Variants in ZNF385B observed in about 807,000 individuals in gnomAD.
ZNF385B encodes the protein zinc finger protein 385B, also known as zinc finger protein 533.
A neutral mutation model predicts 39.2 loss-of-function variants in ZNF385B; 23 were observed. The ratio of observed to expected loss-of-function variants is 0.59; its 90% CI spans 0.42 to 0.83. The LOEUF (loss-of-function observed/expected upper bound fraction) is 0.83, where lower values mean the gene tolerates loss of function less well. Ranked by LOEUF, ZNF385B falls within the 40% of genes least tolerant of loss-of-function variation. The probability of loss-of-function intolerance (pLI) is 0.00; values close to 1 mark genes in which losing one functional copy is unlikely to be tolerated. For missense variants in ZNF385B, 552 were observed against 598.9 expected, an observed-to-expected ratio of 0.92 and a Z score of 0.82; for synonymous variants, 205 against 222.6, an observed-to-expected ratio of 0.92 and a Z score of 0.70.
intron 5 of ZNF385B, among the ~76,000 whole-genome samples, chr2:179,493,781 A>ATGCATATATGTATACATATATGTATATG (rs1491404646): frequency 1.1e-5 from 1 of 91,804 alleles, no homozygotes; most frequent in Non-Finnish European, 2.5e-5. Flanking sequence ...ATATGTATAT[A>ATGCATATATGTATACATATATGTATATG]CACATATGTA....
intron 3 of ZNF385B, among the ~76,000 whole-genome samples, chr2:179,761,964 T>C (rs1703424977): frequency 6.6e-6 from 1 of 152,006 alleles, no homozygotes; most frequent in Non-Finnish European, 1.5e-5. Context: ...AGAGTGGACA[T>C]CCTTCCCCTG....
intron 5 of ZNF385B, among the ~76,000 whole-genome samples, chr2:179,497,710 T>C (rs989229225): frequency 6.6e-6 from 1 of 152,018 alleles, no homozygotes; most frequent in Admixed American, 6.6e-5. Flanking sequence ...CAGGAGTAAG[T>C]CCTTACTTAT....
chr2:179,521,037 CTA>C (rs1212183665), intron 4 of ZNF385B, among the ~76,000 whole-genome samples: 1 of 152,054 alleles, frequency 6.6e-6, no homozygotes, highest in East Asian at 1.9e-4. Flanking sequence ...TTACGAATAT[CTA>C]GTTTCAAGTT....
chr2:179,813,476 A>G lies in ZNF385B; in HGVS notation c.-154-42804T>C, dbSNP rs1366853491. On this transcript the variant is annotated intron_variant, in intron 1 of 9. Coordinates refer to ENST00000410066, the MANE Select transcript of ZNF385B (RefSeq NM_152520.6). ...AGCCACTATGACAGACAAATGGTTG[A>G]CAACATTAATATGATAAATCATACA... 2.6e-5 allele frequency among the ~76,000 whole-genome samples: 4 copies of G among 152,318 alleles called. No individual in the cohort carries two copies. In the South Asian group the frequency reaches 8.3e-4, roughly 32 times the overall value.
intron 1 of ZNF385B, among the ~76,000 whole-genome samples, chr2:179,857,093 G>C (rs896461873): frequency 1.1e-4 from 16 of 152,138 alleles, no homozygotes; most frequent in Non-Finnish European, 1.8e-4. Flanking sequence ...ATTTTAATAA[G>C]ATTTTCTTAA....
intron 1 of ZNF385B, among the ~76,000 whole-genome samples, chr2:179,832,813 T>C (rs165384): frequency 0.036 from 5,530 of 152,318 alleles, 191 homozygotes; most frequent in African/African-American, 0.085. Flanking sequence ...ATACACATTA[T>C]GCAATTAATT....
intron 1 of ZNF385B, among the ~76,000 whole-genome samples, chr2:179,785,776 G>T (rs1223256797): frequency 6.6e-6 from 1 of 152,124 alleles, no homozygotes; most frequent in African/African-American, 2.4e-5. Flanking sequence ...TCTTGAGATG[G>T]AATCTTGGTA....
intron 1 of ZNF385B, among the ~76,000 whole-genome samples, chr2:179,771,616 G>A (rs1348207404): frequency 2.0e-5 from 3 of 152,116 alleles, no homozygotes; most frequent in African/African-American, 7.2e-5. Context: ...AATGGGGTTT[G>A]AACTGCACAT....
intron 1 of ZNF385B, among the ~76,000 whole-genome samples, chr2:179,810,199 A>G (rs946141365): frequency 1.3e-5 from 2 of 151,922 alleles, no homozygotes; most frequent in African/African-American, 4.8e-5. Flanking sequence ...GCTTTTAAAA[A>G]AAATTTTTAA....
intron 3 of ZNF385B, among the ~76,000 whole-genome samples, chr2:179,658,332 TC>T (rs1694038761): frequency 6.6e-6 from 1 of 152,230 alleles, no homozygotes; most frequent in Admixed American, 6.5e-5. Context: ...AAAGGGAGTT[TC>T]CATGTGAAAA....
At chr2:179,655,565 CT>C (rs1230382268) in intron 3 of ZNF385B, among the ~76,000 whole-genome samples, 10 of 149,544 alleles carry the variant, frequency 6.7e-5, no homozygotes, top group Admixed American at 6.7e-4. Context: ...AGAATAAGTA[CT>C]TGGAGGAAAA....
At chr2:179,843,846 A>C (rs1708668510) in intron 1 of ZNF385B, among the ~76,000 whole-genome samples, 1 of 152,230 alleles carries the variant, frequency 6.6e-6, no homozygotes, top group South Asian at 2.1e-4. Context: ...GGCTGGTTTC[A>C]CCCTGAATTT....
chr2:179,830,558 C>T (rs947340716), intron 1 of ZNF385B, among the ~76,000 whole-genome samples: 1 of 152,066 alleles, frequency 6.6e-6, no homozygotes, highest in Admixed American at 6.5e-5. Context: ...GCTGTCAAGC[C>T]ACAAAAGACT....
rs986308486 is a variant in ZNF385B, at chr2:179,714,949, A to AAAG, written c.298+54553_298+54554insCTT. 1.3e-5 allele frequency among the ~76,000 whole-genome samples: 2 copies of AAAG among 150,796 alleles called. 1 individual carries two copies. Among genetic ancestry groups the AAAG allele is most frequent in the African/African-American group, 4.9e-5 (2 of 41,026 alleles). On this transcript the variant is annotated intron_variant, in intron 3 of 9. Transcript: ENST00000410066. ...CAAAGCGAGATTCTATCTCAAAAAA[A>AAAG]AAAAAAAAAAAACAGTTTCCTGAAT... is the stretch of plus-strand genomic sequence containing the variant.
At chr2:179,450,825 C>T (rs1230426279) in intron 6 of ZNF385B, among the ~76,000 whole-genome samples, 2 of 151,970 alleles carry the variant, frequency 1.3e-5, no homozygotes, top group African/African-American at 2.4e-5. Flanking sequence ...GCACTATTCA[C>T]AATAGCAAAG....
At chr2:179,597,045 A>G (rs533739042) in intron 3 of ZNF385B, among the ~76,000 whole-genome samples, 5 of 152,130 alleles carry the variant, frequency 3.3e-5, no homozygotes, top group Non-Finnish European at 7.4e-5. Flanking sequence ...TCAGTTCCCA[A>G]TAATTTGTTT....
chr2:179,853,434 AC>A (rs1684338822), intron 1 of ZNF385B, among the ~76,000 whole-genome samples: 2 of 152,344 alleles, frequency 1.3e-5, no homozygotes, highest in South Asian at 4.1e-4. Context: ...ACCCAAGTGT[AC>A]CTGTGCTTCA....
chr2:179,824,057 T>C (rs1194078362), intron 1 of ZNF385B, among the ~76,000 whole-genome samples: 1 of 152,130 alleles, frequency 6.6e-6, no homozygotes, highest in African/African-American at 2.4e-5. Context: ...GATGCTGTAT[T>C]CACCTAAGGC....
intron 1 of ZNF385B, among the ~76,000 whole-genome samples, chr2:179,857,600 G>C (rs1684703689): frequency 6.6e-6 from 1 of 152,192 alleles, no homozygotes; most frequent in Non-Finnish European, 1.5e-5. Context: ...TCAGCCTAGA[G>C]AAGTCTCAAA....
Sources: allele counts gnomAD v4.1 joint callset (sites outside exome capture counted in the v4.1 genomes callset), GRCh38; gene constraint gnomAD v4.1.1; transcripts MANE v1.5; gene names NCBI Gene and HGNC (gene_info 2026-07-23, HGNC 2026-07-21).